ARHGAP17: variants seen among roughly 807,000 people sequenced by gnomAD.
The protein encoded by ARHGAP17 is Rho GTPase activating protein 17.
In ARHGAP17, 57 loss-of-function variants were observed where a neutral mutation model predicts 99.5. That is an observed-to-expected ratio of 0.57 (90% CI 0.46 to 0.71). The LOEUF is 0.71. ARHGAP17 is among the 30% of genes least tolerant of loss of function. ARHGAP17 has a pLI of 0.00. For missense variants in ARHGAP17, 1,000 were observed against 1,122.4 expected (o/e 0.89, Z 1.56); for synonymous variants, 417 against 429.6 (o/e 0.97, Z 0.36).
rs746629526 is a variant in ARHGAP17, at chr16:24,943,795, G to A, written c.1309C>T (p.His437Tyr). 1.9e-6 allele frequency: 3 copies of A among 1,614,064 alleles called. No homozygotes were observed. The highest frequency in any genetic ancestry group is 2.5e-6 in the Non-Finnish European group (3 of 1,180,014). ...CCTTCAGGGAAGAACCAGTCGGCAT[G>A]CTGAATGATGGGTTCAATCACTGCA... is the stretch of plus-strand genomic sequence containing the variant. ...VVAVIEPIIQHADWFFPEEVE... is the reference protein window; with the variant it reads ...VVAVIEPIIQYADWFFPEEVE... The change falls in exon 15 of 20, where the codon CAT becomes TAT. Residue 437 changes from histidine to tyrosine, a missense_variant. His to Tyr is a moderately conservative substitution (Grantham distance 83). This residue lies in a region of ARHGAP17 where 472 missense variants were observed against 611.1 expected (regional missense o/e 0.77). Transcript: ENST00000289968.
chr16:24,980,420 A>T (rs906804412), intron 1 of ARHGAP17, among the ~76,000 whole-genome samples: 1 of 152,192 alleles, frequency 6.6e-6, no homozygotes, highest in African/African-American at 2.4e-5. Flanking sequence ...CCTGACTCAA[A>T]TACTTCCCAG....
Position 24,928,703 on chromosome 16 carries a change from G to A in ARHGAP17, c.2515+2081C>T, listed in dbSNP as rs141264779. Among the ~76,000 whole-genome samples the A allele has an allele frequency of 2.5e-4, 38 of 152,290 alleles. No individual in the cohort carries two copies. The East Asian group carries it at 6.6e-3, about 26-fold the overall frequency. ...GAGCACTCTGGCTAAGGGGCCCACA[G>A]TAGGCCTAAGGCTCAGGCCAGCTGA... is the stretch of plus-strand genomic sequence containing the variant. On this transcript the variant is annotated intron_variant, in intron 19 of 19. Transcript: ENST00000289968.
At chr16:24,979,478 AT>A (rs1719559989) in intron 1 of ARHGAP17, among the ~76,000 whole-genome samples, 1 of 152,154 alleles carries the variant, frequency 6.6e-6, no homozygotes, top group African/African-American at 2.4e-5. Context: ...TTATGCAAAG[AT>A]GCAAGCCTAG....
At chr16:24,946,704 C>G (rs1397934584) in intron 14 of ARHGAP17, among the ~76,000 whole-genome samples, 1 of 152,064 alleles carries the variant, frequency 6.6e-6, no homozygotes, top group Non-Finnish European at 1.5e-5. Context: ...TTCCTAACAC[C>G]AGGGACGGGG....
In ARHGAP17 at chr16:25,015,290, G is replaced by A; in HGVS notation, c.-29C>T. ...GGCGGTGGCGGCGGCGGCCCGCGGG[G>A]CTCGGGCCGGGCAGGGCGGGGGACA... is the stretch of plus-strand genomic sequence containing the variant. On this transcript the variant is annotated 5_prime_UTR_variant, in exon 1 of 20. Coordinates refer to ENST00000289968, the MANE Select transcript of ARHGAP17 (RefSeq NM_001006634.3). The A allele has an allele frequency of 7.6e-7, 1 of 1,319,972 alleles. No homozygotes were observed. 81.8% of individuals were successfully genotyped at this position (1,319,972 alleles called of 1,614,324 possible).
Position 24,969,956 on chromosome 16 carries a change from T to G in ARHGAP17, c.272+551A>C, listed in dbSNP as rs1403851840. ...CAGACAGGGCTAGAGAACACCAGCC[T>G]TGCTGCAGGAGCAGACAGAAGGGTA... On this transcript the variant is annotated intron_variant, in intron 4 of 19. Transcript: ENST00000289968. Among the ~76,000 whole-genome samples the G allele has an allele frequency of 5.3e-5, 8 of 152,302 alleles. No individual in the cohort carries two copies. The East Asian group carries it at 1.3e-3, about 26-fold the overall frequency.
chr16:24,965,430 C>T (rs1426956794), intron 6 of ARHGAP17, among the ~76,000 whole-genome samples: 4 of 152,180 alleles, frequency 2.6e-5, no homozygotes, highest in Admixed American at 2.6e-4. Context: ...AGACCAAGAT[C>T]GCAACGCCGC....
chr16:24,963,538 C>T (rs1377469517), intron 7 of ARHGAP17, among the ~76,000 whole-genome samples: 1 of 152,164 alleles, frequency 6.6e-6, no homozygotes, highest in Non-Finnish European at 1.5e-5. Flanking sequence ...TCTAGATTGT[C>T]AAGACTCCCC....
chr16:24,929,051 G>T (rs1472841957), intron 19 of ARHGAP17, among the ~76,000 whole-genome samples: 2 of 152,038 alleles, frequency 1.3e-5, no homozygotes, highest in Non-Finnish European at 2.9e-5. Flanking sequence ...CTGCACCTGG[G>T]TCCTCTTTGG....
Position 24,943,826 on chromosome 16 carries a change from A to G in ARHGAP17, c.1278T>C (p.His426=), listed in dbSNP as rs371292107. ...TGATGGGTTCAATCACTGCAACCAC[A>G]TGGACGGATGTGGCTGCTGCCATTT... ...LAEMAAATSV[H]VVAVIEPIIQ... is the part of the protein sequence containing the mutation. Residue 426 remains histidine, a synonymous_variant, in exon 15 of 20, where the codon CAT becomes CAC. Coordinates refer to ENST00000289968, the MANE Select transcript of ARHGAP17 (RefSeq NM_001006634.3). 2.0e-5 allele frequency: 33 copies of G among 1,614,102 alleles called. No individual in the cohort carries two copies. In the Admixed American group the frequency reaches 5.2e-4, roughly 25 times the overall value.
intron 1 of ARHGAP17, among the ~76,000 whole-genome samples, chr16:24,982,767 A>T (rs1409979076): frequency 1.3e-5 from 2 of 151,604 alleles, no homozygotes; most frequent in Non-Finnish European, 2.9e-5. Context: ...GTGCCCATTC[A>T]ATAGGCCATT....
chr16:24,931,125 A>C lies in ARHGAP17; in HGVS notation c.2174T>G (p.Leu725Arg). ...CTGGCTATTGGGTTTGGTGTGCATCAGTGGCGTGGCCTGCGTAGGGGGCTG... is the reference window on the plus strand; with the variant it reads ...CTGGCTATTGGGTTTGGTGTGCATCCGTGGCGTGGCCTGCGTAGGGGGCTG... ...PPQPPTQATP[L>R]MHTKPNSQGP... Residue 725 changes from leucine (L) to arginine (R), a missense_variant, in exon 19 of 20, where the codon CTG becomes CGG. By Grantham distance (102) the Leu-to-Arg change is moderately radical (BLOSUM62 -2). This residue lies in a region of ARHGAP17 where 528 missense variants were observed against 511.4 expected (regional missense o/e 1.03). Transcript: ENST00000289968. 1.2e-6 allele frequency: 2 copies of C among 1,606,568 alleles called. No homozygotes were observed. Among genetic ancestry groups the C allele is most frequent in the Non-Finnish European group, 1.7e-6 (2 of 1,176,778 alleles).
At chr16:24,926,155 A>G (rs1208541589) in intron 19 of ARHGAP17, among the ~76,000 whole-genome samples, 2 of 151,704 alleles carry the variant, frequency 1.3e-5, no homozygotes, top group South Asian at 2.1e-4. Flanking sequence ...AAGAGAAGAG[A>G]AGAGGAGAAA....
At position 24,970,419 on chromosome 16, in the gene ARHGAP17, C is replaced by A. The variant is rs531061109; in HGVS notation, c.272+88G>T. 3 of 1,239,230 alleles carry A rather than the reference C, an allele frequency of 2.4e-6. No homozygotes were observed. The African/African-American group carries it at 4.5e-5, about 18-fold the overall frequency. The allele number at this position is 1,239,230 out of a possible 1,614,324, so 76.8% of individuals were successfully genotyped here. On this transcript the variant is annotated intron_variant, in intron 4 of 19. Transcript: ENST00000289968. ...AGCCATGCCATCAACGCTCACAGTTCCTCTCACAGGTCCTACATACACCAC... is the reference window on the plus strand; with the variant it reads ...AGCCATGCCATCAACGCTCACAGTTACTCTCACAGGTCCTACATACACCAC...
intron 4 of ARHGAP17, 129 bp downstream of exon 4, chr16:24,970,378 G>A (rs1288421078): frequency 3.2e-5 from 28 of 864,174 alleles, no homozygotes; most frequent in Middle Eastern, 2.7e-4. Flanking sequence ...AGTCTCAGCC[G>A]GTCTCCTAGC....
chr16:24,924,458 A>C (rs1229829625), intron 19 of ARHGAP17, among the ~76,000 whole-genome samples: 1 of 149,012 alleles, frequency 6.7e-6, no homozygotes, highest in East Asian at 1.9e-4. Context: ...TTTTTTTTTA[A>C]ATAAAATATC....
chr16:24,985,886 G>A (rs901625399), intron 1 of ARHGAP17, among the ~76,000 whole-genome samples: 4 of 151,998 alleles, frequency 2.6e-5, no homozygotes, highest in South Asian at 2.1e-4. Context: ...ATAGAGACAC[G>A]AGGGGCATTT....
At chr16:24,952,168 T>C in intron 12 of ARHGAP17, 121 bp downstream of exon 12, 1 of 657,558 alleles carries the variant, frequency 1.5e-6, no homozygotes, top group East Asian at 3.0e-5. Flanking sequence ...CTGAGACATG[T>C]ATTATTTAAC....
intron 1 of ARHGAP17, among the ~76,000 whole-genome samples, chr16:24,991,262 T>A (rs1040406949): frequency 6.6e-6 from 1 of 152,208 alleles, no homozygotes; most frequent in African/African-American, 2.4e-5. Flanking sequence ...ACCACCACCA[T>A]AGTGGTTGTT....
Sources: gnomAD v4.1 joint callset for allele counts (sites outside exome capture counted in the v4.1 genomes callset) on GRCh38, gnomAD v4.1.1 for gene constraint, gnomAD v4.1.1 regional missense constraint, MANE v1.5 for transcripts, NCBI Gene and HGNC (gene_info 2026-07-23, HGNC 2026-07-21) for gene names.